The following MTRFR variants were observed in gnomAD, a reference collection of about 807,000 sequenced individuals.
MTRFR encodes mitochondrial translation release factor in rescue.
In MTRFR, 10 loss-of-function variants were observed where a neutral mutation model predicts 11.9. That is an observed-to-expected ratio of 0.84 (90% confidence interval 0.52 to 1.42). The LOEUF is 1.42. Ranked by LOEUF, MTRFR falls within the 40% of genes most tolerant of loss-of-function variation. The pLI, the probability that MTRFR is intolerant of heterozygous loss-of-function variation, is 0.00. For synonymous variants in MTRFR, 77 were observed against 79.1 expected (o/e 0.97, Z 0.14); for missense variants, 196 against 197.9 (o/e 0.99, Z 0.06).
Position 123,253,877 on chromosome 12 carries a change from A to G in MTRFR, c.203A>G (p.His68Arg). The G allele has an allele frequency of 4.3e-6, 7 of 1,614,192 alleles. No individual in the cohort carries two copies. Among genetic ancestry groups the G allele is most frequent in the Non-Finnish European group, 5.9e-6 (7 of 1,180,038 alleles). ...NELEEQFVKG[H>R]GPGGQATNKT... ...CTCGAAGAGCAGTTTGTGAAAGGAC[A>G]CGGTCCAGGGGGCCAGGCAACCAAC... Residue 68 changes from histidine to arginine, a missense_variant, in exon 2 of 3, where the codon CAC becomes CGC. Transcript: ENST00000253233.
rs371065707 is a variant in MTRFR at position 123,240,347 on chromosome 12, A to G, written c.-29+6816A>G. Reference sequence around the variant, plus strand: ...AGTCAGGGTGACGGAGACTCCGTCTAAAAAAAAAAGAAGAAGAAATGCAGA... The same window carrying G: ...AGTCAGGGTGACGGAGACTCCGTCTGAAAAAAAAAGAAGAAGAAATGCAGA... On this transcript the variant is annotated intron_variant, in intron 1 of 2. Coordinates refer to ENST00000253233, the MANE Select transcript of MTRFR (RefSeq NM_152269.5). Among the ~76,000 whole-genome samples the G allele has an allele frequency of 4.9e-4, 73 of 148,062 alleles. No individual in the cohort carries two copies. The Middle Eastern group carries it at 0.014, about 29-fold the overall frequency.
Position 123,257,447 on chromosome 12 carries a change from C to T in MTRFR, c.*416C>T, listed in dbSNP as rs867438446. The T allele has an allele frequency of 5.0e-5, 10 of 201,076 alleles. No individual in the cohort carries two copies. Among genetic ancestry groups the T allele is most frequent in the Middle Eastern group, 2.2e-3 (1 of 448 alleles). The allele number at this position is 201,076 out of a possible 1,614,324, so 12.5% of individuals were successfully genotyped here. A position where few individuals can be genotyped will look rare whatever the true frequency, so the allele number is the denominator to read the frequency against. On this transcript the variant is annotated 3_prime_UTR_variant, in exon 3 of 3. Coordinates refer to ENST00000253233, the MANE Select transcript of MTRFR (RefSeq NM_152269.5). ...AGGAGAATTGCGTGAACCTGGGAGG[C>T]GGAGGTTGCAGTGAGCTGAGATCGC...
chr12:123,251,614 T>TG (rs554259127), intron 1 of MTRFR: 77 of 152,508 alleles, frequency 5.0e-4, no homozygotes, highest in Admixed American at 1.2e-3. Flanking sequence ...GCCTCTCCAG[T>TG]GGGGGGGTGT....
intron 2 of MTRFR, 95 bp from the exon 3 acceptor site, chr12:123,256,718 T>A (rs1210090945): frequency 4.1e-6 from 4 of 972,030 alleles, no homozygotes; most frequent in Middle Eastern, 2.4e-4. Flanking sequence ...AAATAGTAAA[T>A]AAAAAAGCGA....
intron 1 of MTRFR, among the ~76,000 whole-genome samples, chr12:123,253,076 T>A (rs796910700): frequency 1.6e-5 from 1 of 63,324 alleles, no homozygotes; most frequent in African/African-American, 4.3e-5. Flanking sequence ...TTGAATTTTT[T>A]TTTTTTTTTT....
Position 123,257,201 on chromosome 12 carries a change from C to G in MTRFR, c.*170C>G. On this transcript the variant is annotated 3_prime_UTR_variant, in exon 3 of 3. Transcript: ENST00000253233. ...TGCACTAAACTGTAGTGAACAGAGACATGCACGATTCAAGAATAAAACTCG... is the reference window on the plus strand; with the variant it reads ...TGCACTAAACTGTAGTGAACAGAGAGATGCACGATTCAAGAATAAAACTCG... 1.5e-6 allele frequency: 1 copy of G among 646,516 alleles called. No homozygotes were observed. Among genetic ancestry groups the G allele is most frequent in the South Asian group, 1.9e-5 (1 of 53,594 alleles). The allele number at this position is 646,516 out of a possible 1,614,324, so 40.0% of individuals were successfully genotyped here. A position where few individuals can be genotyped will look rare whatever the true frequency, so the allele number is the denominator to read the frequency against.
chr12:123,254,669 C>T (rs2048163152), intron 2 of MTRFR: 1 of 152,394 alleles, frequency 6.6e-6, no homozygotes. Flanking sequence ...GGCACAGTGG[C>T]TCATGCCTGT....
chr12:123,253,107 T>TTTGG (rs766114484), intron 1 of MTRFR, among the ~76,000 whole-genome samples: 1 of 63,314 alleles, frequency 1.6e-5, no homozygotes, highest in Non-Finnish European at 3.4e-5. Context: ...TTTTTTTTTT[T>TTTGG]GAGACACTGT....
intron 1 of MTRFR, chr12:123,252,296 G>C (rs2048122805): frequency 6.6e-6 from 1 of 152,124 alleles, no homozygotes; most frequent in African/African-American, 2.4e-5. Context: ...CAGATGTGGT[G>C]GTGTCTGCCT....
At position 123,253,683 on chromosome 12, in the gene MTRFR, C is replaced by G; in HGVS notation, c.9C>G (p.Thr3=). 1 of 1,614,120 alleles carries G rather than the reference C, an allele frequency of 6.2e-7. No homozygotes were observed. The highest frequency in any genetic ancestry group is 8.5e-7 in the Non-Finnish European group (1 of 1,180,026). ...GCAGAGCCACGTTCCTTATGAGCAC[C>G]GTGGGTTTATTTCATTTTCCTACAC... MS[T]VGLFHFPTPL... is the part of the protein sequence containing the mutation. The change falls in exon 2 of 3, where the codon ACC becomes ACG. Residue 3 remains threonine (T), a synonymous_variant. Coordinates refer to ENST00000253233, the MANE Select transcript of MTRFR (RefSeq NM_152269.5).
chr12:123,236,070 T>A (rs1040370070), intron 1 of MTRFR, among the ~76,000 whole-genome samples: 1 of 150,740 alleles, frequency 6.6e-6, no homozygotes, highest in Non-Finnish European at 1.5e-5. Flanking sequence ...CTCAAAAAAA[T>A]AAATAAATAA....
chr12:123,253,761 G>A lies in MTRFR; in HGVS notation c.87G>A (p.Leu29=). 6.2e-7 allele frequency: 1 copy of A among 1,614,174 alleles called. No individual in the cohort carries two copies. The highest frequency in any genetic ancestry group is 8.5e-7 in the Non-Finnish European group (1 of 1,180,044). ...APWGLRLWEK[L]TLLSPGIAVT... is the part of the protein sequence containing the mutation. Reference sequence around the variant, plus strand: ...GGGGACTCCGGCTTTGGGAGAAGCTGACGTTGTTATCCCCAGGAATAGCTG... The same window carrying A: ...GGGGACTCCGGCTTTGGGAGAAGCTAACGTTGTTATCCCCAGGAATAGCTG... The change falls in exon 2 of 3, where the codon CTG becomes CTA. Residue 29 remains leucine (L), a synonymous_variant. Transcript: ENST00000253233.
chr12:123,241,372 T>C (rs2053107742), intron 1 of MTRFR, among the ~76,000 whole-genome samples: 1 of 151,954 alleles, frequency 6.6e-6, no homozygotes, highest in African/African-American at 2.4e-5. Flanking sequence ...GCTCCTTCAG[T>C]CTTCGCCCAG....
intron 1 of MTRFR, among the ~76,000 whole-genome samples, chr12:123,241,670 A>G (rs962025120): frequency 2.0e-5 from 3 of 151,114 alleles, no homozygotes; most frequent in South Asian, 2.1e-4. Context: ...AGGTCTCCCT[A>G]TGTTGCACAG....
At chr12:123,249,241 G>A (rs2048083398) in intron 1 of MTRFR, 2 of 152,448 alleles carry the variant, frequency 1.3e-5, no homozygotes, top group South Asian at 4.1e-4. Context: ...ACCCGACTCA[G>A]GAGTCCAGCT....
chr12:123,253,988 CCCCGCCCAAGGGTT>C, intron 2 of MTRFR, 32 bp downstream of exon 2: 1 of 1,611,780 alleles, frequency 6.2e-7, no homozygotes, highest in Non-Finnish European at 8.5e-7. Context: ...AGGGGAGAGG[CCCCGCCCAAGGGTT>C]CCACAGCCTC....
intron 1 of MTRFR, among the ~76,000 whole-genome samples, chr12:123,247,185 A>G (rs559086343): frequency 2.6e-5 from 4 of 152,264 alleles, no homozygotes; most frequent in South Asian, 4.1e-4. Context: ...GTTCCAAGGT[A>G]TAGTTTAAAT....
At chr12:123,238,240 A>G (rs543635889) in intron 1 of MTRFR, among the ~76,000 whole-genome samples, 3 of 152,304 alleles carry the variant, frequency 2.0e-5, no homozygotes, top group African/African-American at 7.2e-5. Flanking sequence ...AGCATTTGTC[A>G]GAAAATCATT....
chr12:123,236,592 CAA>C (rs113568323), intron 1 of MTRFR, among the ~76,000 whole-genome samples: 39 of 105,712 alleles, frequency 3.7e-4, no homozygotes, highest in Admixed American at 5.9e-4. Context: ...GACCCTGTCT[CAA>C]AAAAAAAAAA....
Sources: gnomAD v4.1 joint callset for allele counts (sites outside exome capture counted in the v4.1 genomes callset) on GRCh38, gnomAD v4.1.1 for gene constraint, MANE v1.5 for transcripts, NCBI Gene and HGNC (gene_info 2026-07-23, HGNC 2026-07-21) for gene names.